The following NCALD variants were observed in gnomAD, a reference collection of about 807,000 sequenced individuals.
NCALD encodes neurocalcin-delta.
In NCALD, 10 loss-of-function variants were observed where a neutral mutation model predicts 18.6. That is an observed-to-expected ratio of 0.54 (90% CI 0.33 to 0.91). The LOEUF is 0.91. Ranked by LOEUF, NCALD falls within the 40% of genes least tolerant of loss-of-function variation. The pLI, the probability that NCALD is intolerant of heterozygous loss-of-function variation, is 0.03. For missense variants in NCALD, 184 were observed against 247.6 expected (o/e 0.74, Z 1.72); for synonymous variants, 88 against 87.4 (o/e 1.01, Z -0.04).
intron 2 of NCALD, among the ~76,000 whole-genome samples, chr8:101,924,372 C>G (rs943381129): frequency 6.6e-6 from 1 of 152,114 alleles, no homozygotes; most frequent in African/African-American, 2.4e-5. Flanking sequence ...TTGAGCGGCA[C>G]AGTATATTCC....
At chr8:101,896,427 G>C (rs1480987925) in intron 3 of NCALD, among the ~76,000 whole-genome samples, 2 of 152,028 alleles carry the variant, frequency 1.3e-5, no homozygotes, top group Non-Finnish European at 2.9e-5. Context: ...AGAAAACCTA[G>C]GCATTGCCAT....
At chr8:101,720,665 A>G (rs1816310786) in intron 1 of NCALD, among the ~76,000 whole-genome samples, 1 of 152,176 alleles carries the variant, frequency 6.6e-6, no homozygotes, top group African/African-American at 2.4e-5. Flanking sequence ...GCCTTGGGGG[A>G]AAATGCCACT....
intron 4 of NCALD, among the ~76,000 whole-genome samples, chr8:101,858,617 C>G (rs1328675980): frequency 6.6e-6 from 1 of 152,074 alleles, no homozygotes; most frequent in African/African-American, 2.4e-5. Context: ...TACTCAGCAT[C>G]TAGAATGTCA....
rs115155432 is a variant in NCALD, at chr8:101,703,981, C to T, written c.379-11085G>A. Among the ~76,000 whole-genome samples the T allele has an allele frequency of 6.6e-3, 1,006 of 152,268 alleles. 7 individuals are homozygous for T. The highest frequency in any genetic ancestry group is 0.023 in the African/African-American group (969 of 41,538). On this transcript the variant is annotated intron_variant, in intron 2 of 3. Coordinates refer to ENST00000220931, the MANE Select transcript of NCALD (RefSeq NM_032041.3). The stretch of plus-strand genomic sequence containing the variant: ...CTGGCCCTCCCACAAGGTCAAGAAC[C>T]GTGCCTGTTTCCATCAGCCAGAGGG...
At chr8:101,787,164 C>T (rs970100184) in intron 1 of NCALD, among the ~76,000 whole-genome samples, 27 of 152,226 alleles carry the variant, frequency 1.8e-4, no homozygotes, top group Admixed American at 3.3e-4. Context: ...AAAATAATGG[C>T]ACATTCCTTT....
chr8:102,006,433 T>G (rs1336421257), intron 2 of NCALD, among the ~76,000 whole-genome samples: 4 of 152,206 alleles, frequency 2.6e-5, no homozygotes, highest in African/African-American at 7.2e-5. Flanking sequence ...CATTCTACTT[T>G]AAAACAAATT....
intron 2 of NCALD, among the ~76,000 whole-genome samples, chr8:102,000,110 G>T (rs1030965310): frequency 1.4e-4 from 21 of 152,242 alleles, no homozygotes; most frequent in African/African-American, 4.8e-4. Flanking sequence ...GGAAGTGCAA[G>T]GGGTTGGGGA....
chr8:102,017,339 A>C (rs1482606868), intron 2 of NCALD, among the ~76,000 whole-genome samples: 2 of 152,032 alleles, frequency 1.3e-5, no homozygotes, highest in Non-Finnish European at 2.9e-5. Flanking sequence ...TAAAGCTTAA[A>C]GCTTTAAAAT....
At chr8:102,066,216 A>G (rs1189040912) in intron 1 of NCALD, among the ~76,000 whole-genome samples, 2 of 152,200 alleles carry the variant, frequency 1.3e-5, no homozygotes, top group African/African-American at 4.8e-5. Flanking sequence ...ATAACTTTGA[A>G]CTAGAAATAA....
chr8:101,811,500 T>C (rs898434169), intron 4 of NCALD, among the ~76,000 whole-genome samples: 5 of 152,226 alleles, frequency 3.3e-5, no homozygotes, highest in African/African-American at 1.2e-4. Context: ...TAAATTTGCA[T>C]TGTTTAAAGC....
chr8:101,857,675 A>T (rs912074071), intron 4 of NCALD, among the ~76,000 whole-genome samples: 6 of 152,228 alleles, frequency 3.9e-5, no homozygotes, highest in Non-Finnish European at 5.9e-5. Context: ...CAATGGAAGT[A>T]AAAGAAGGAG....
At chr8:101,742,072 C>A (rs1285428288) in intron 1 of NCALD, among the ~76,000 whole-genome samples, 1 of 146,208 alleles carries the variant, frequency 6.8e-6, no homozygotes, top group Non-Finnish European at 1.5e-5. Context: ...GCCAACATAG[C>A]GAAACTCTGT....
chr8:102,021,618 C>T (rs991917840), intron 1 of NCALD, among the ~76,000 whole-genome samples: 4 of 152,228 alleles, frequency 2.6e-5, no homozygotes, highest in African/African-American at 9.6e-5. Context: ...CCTCTAGCCA[C>T]GCCCTGGCAC....
At chr8:102,009,895 T>A (rs148184706) in intron 2 of NCALD, among the ~76,000 whole-genome samples, 2 of 152,362 alleles carry the variant, frequency 1.3e-5, no homozygotes, top group African/African-American at 4.8e-5. Context: ...ACTGCTGGTA[T>A]GTTCGAGCTG....
At chr8:101,690,375 T>C in intron 3 of NCALD, 3 of 984,820 alleles carry the variant, frequency 3.0e-6, no homozygotes, top group African/African-American at 3.5e-5. Context: ...CCTTTTTCTC[T>C]TGAAAGGAGC....
At chr8:101,801,945 C>T (rs1187452131) in intron 4 of NCALD, among the ~76,000 whole-genome samples, 4 of 151,976 alleles carry the variant, frequency 2.6e-5, no homozygotes, top group African/African-American at 4.8e-5. Context: ...GGATTACAGG[C>T]GTGAACCACC....
intron 2 of NCALD, among the ~76,000 whole-genome samples, chr8:101,957,288 G>GTTTTTTTTT (rs1563932101): frequency 6.2e-5 from 8 of 128,186 alleles, no homozygotes; most frequent in African/African-American, 2.2e-4. Flanking sequence ...GAAAAGTTGG[G>GTTTTTTTTT]GTTTTTTTTT....
intron 4 of NCALD, among the ~76,000 whole-genome samples, chr8:101,843,485 T>G (rs902746247): frequency 4.6e-5 from 7 of 152,178 alleles, no homozygotes; most frequent in African/African-American, 1.7e-4. Flanking sequence ...ATCTCTGCCC[T>G]TCATAATTTT....
Position 101,811,638 on chromosome 8 carries a change from G to A in NCALD, c.-20+75503C>T, listed in dbSNP as rs189236162. Among the ~76,000 whole-genome samples, 5 of 152,310 alleles carry A rather than the reference G, an allele frequency of 3.3e-5. No homozygotes were observed. In the East Asian group the frequency reaches 9.6e-4, roughly 29 times the overall value. On this transcript the variant is annotated intron_variant, in intron 4 of 6. Coordinates refer to the NCALD transcript ENST00000311028. The stretch of plus-strand genomic sequence containing the variant: ...AAGATAAGCACTTAAAACGGTAATA[G>A]GGAAGAAAATGGGAGAGAGTTTAAG...
Sources: gnomAD v4.1 joint callset for allele counts (sites outside exome capture counted in the v4.1 genomes callset) on GRCh38, gnomAD v4.1.1 for gene constraint, MANE v1.5 for transcripts, NCBI Gene and HGNC (gene_info 2026-07-23, HGNC 2026-07-21) for gene names.